C1orf21: variants seen among roughly 807,000 people sequenced by gnomAD.
The protein encoded by C1orf21 is chromosome 1 open reading frame 21.
In C1orf21, 3 loss-of-function variants were observed where a neutral mutation model predicts 18.7. That is an observed-to-expected ratio of 0.16 (90% CI 0.07 to 0.42). The LOEUF is 0.42. Ranked by LOEUF, C1orf21 falls within the 10% of genes least tolerant of loss-of-function variation. The pLI, the probability that C1orf21 is intolerant of heterozygous loss-of-function variation, is 0.99. For missense variants in C1orf21, 104 were observed against 143.6 expected (o/e 0.72, Z 1.41); for synonymous variants, 41 against 46.4 (o/e 0.88, Z 0.47).
chr1:184,576,366 C>T (rs1659190012), intron 3 of C1orf21, among the ~76,000 whole-genome samples: 1 of 152,234 alleles, frequency 6.6e-6, no homozygotes. Flanking sequence ...CTCAGGTGAT[C>T]TGCCCACCTG....
At chr1:184,596,543 C>T (rs563471353) in intron 4 of C1orf21, among the ~76,000 whole-genome samples, 6 of 152,258 alleles carry the variant, frequency 3.9e-5, no homozygotes, top group African/African-American at 1.4e-4. Context: ...GCAACATATA[C>T]ATACGGTTAT....
intron 1 of C1orf21, among the ~76,000 whole-genome samples, chr1:184,444,918 T>C (rs1657005902): frequency 1.3e-5 from 2 of 152,142 alleles, no homozygotes; most frequent in African/African-American, 4.8e-5. Context: ...TCCTCTCCTG[T>C]TGTATCCTCA....
chr1:184,404,565 G>A lies in C1orf21; in HGVS notation c.-125+17197G>A, dbSNP rs111467209. Among the ~76,000 whole-genome samples the A allele has an allele frequency of 7.5e-4, 114 of 152,254 alleles. 1 individual carries two copies. Among genetic ancestry groups the A allele is most frequent in the African/African-American group, 2.7e-3 (112 of 41,540 alleles). ...TCTGGCACCAATTCTACCCATGAGA[G>A]TAGAGCCTTAATGGTGTAATCACCT... On this transcript the variant is annotated intron_variant, in intron 1 of 5. Coordinates refer to ENST00000235307, the MANE Select transcript of C1orf21 (RefSeq NM_030806.4).
intron 3 of C1orf21, among the ~76,000 whole-genome samples, chr1:184,566,325 C>T (rs1052423795): frequency 3.3e-5 from 5 of 152,158 alleles, no homozygotes; most frequent in East Asian, 1.9e-4. Context: ...TTTGCTGCCT[C>T]GATTTTGCAG....
intron 1 of C1orf21, among the ~76,000 whole-genome samples, chr1:184,414,362 C>G (rs1486141762): frequency 6.6e-6 from 1 of 152,124 alleles, no homozygotes; most frequent in Non-Finnish European, 1.5e-5. Flanking sequence ...CTCCTGGGCT[C>G]AAGCATTTCT....
chr1:184,582,189 C>T (rs1037136427), intron 3 of C1orf21, among the ~76,000 whole-genome samples: 27 of 152,244 alleles, frequency 1.8e-4, no homozygotes, highest in Non-Finnish European at 4.0e-4. Context: ...ATGTTAATAC[C>T]GCTTGAGAAA....
intron 3 of C1orf21, among the ~76,000 whole-genome samples, chr1:184,582,574 G>A (rs1659289747): frequency 6.6e-6 from 1 of 152,174 alleles, no homozygotes; most frequent in Non-Finnish European, 1.5e-5. Flanking sequence ...AGATTTCTCT[G>A]TAAGACAGAC....
At chr1:184,467,031 A>G (rs574492468) in intron 1 of C1orf21, among the ~76,000 whole-genome samples, 2 of 152,192 alleles carry the variant, frequency 1.3e-5, no homozygotes, top group Non-Finnish European at 2.9e-5. Flanking sequence ...TAGGGAGTAT[A>G]TACTAAACAT....
intron 1 of C1orf21, among the ~76,000 whole-genome samples, chr1:184,428,459 A>G (rs892916012): frequency 2.0e-5 from 3 of 152,174 alleles, no homozygotes; most frequent in Non-Finnish European, 4.4e-5. Flanking sequence ...TTGCATTGTG[A>G]TTAGAGCAGC....
At chr1:184,610,900 G>A (rs1156809901) in intron 5 of C1orf21, among the ~76,000 whole-genome samples, 1 of 151,884 alleles carries the variant, frequency 6.6e-6, no homozygotes, top group Non-Finnish European at 1.5e-5. Context: ...TGGTGAAATG[G>A]GGATTCGGGT....
chr1:184,469,827 G>A (rs539394705), intron 1 of C1orf21, among the ~76,000 whole-genome samples: 8 of 152,254 alleles, frequency 5.3e-5, no homozygotes, highest in Admixed American at 4.6e-4. Flanking sequence ...CTGATCCTTT[G>A]TTTCCTTGCA....
chr1:184,534,589 T>C (rs2101974528), intron 3 of C1orf21, among the ~76,000 whole-genome samples: 2 of 152,364 alleles, frequency 1.3e-5, no homozygotes, highest in South Asian at 4.1e-4. Context: ...TGATTTAAGC[T>C]GTGTACTTTC....
At chr1:184,512,262 A>G (rs1211975957) in intron 3 of C1orf21, among the ~76,000 whole-genome samples, 3 of 152,196 alleles carry the variant, frequency 2.0e-5, no homozygotes, top group Non-Finnish European at 4.4e-5. Flanking sequence ...TTTTGGGATA[A>G]CTGTGCATGA....
chr1:184,623,201 A>G lies in C1orf21; in HGVS notation c.*3645A>G, dbSNP rs527296337. 1 of 152,356 alleles carries G rather than the reference A, an allele frequency of 6.6e-6. No homozygotes were observed. The highest frequency in any genetic ancestry group is 3.4e-3 in the Middle Eastern group (1 of 294). 9.4% of individuals were successfully genotyped at this position (152,356 alleles called of 1,614,324 possible). ...TCTCTACTAGTCATAGAAAAGAAAC[A>G]TTGTTAAACATGTTGAGTTTTAAAG... On this transcript the variant is annotated 3_prime_UTR_variant, in exon 6 of 6. Coordinates refer to ENST00000235307, the MANE Select transcript of C1orf21 (RefSeq NM_030806.4).
chr1:184,605,679 C>T (rs533040214), intron 5 of C1orf21, among the ~76,000 whole-genome samples: 5 of 152,188 alleles, frequency 3.3e-5, no homozygotes, highest in Non-Finnish European at 7.3e-5. Flanking sequence ...AGGATTGGCT[C>T]TGGCAGCAGC....
intron 2 of C1orf21, among the ~76,000 whole-genome samples, chr1:184,481,169 TAAAAA>T (rs923196743): frequency 6.6e-6 from 1 of 151,072 alleles, no homozygotes; most frequent in African/African-American, 2.4e-5. Flanking sequence ...AGAAATAACT[TAAAAA>T]AAAACTCTCT....
intron 1 of C1orf21, among the ~76,000 whole-genome samples, chr1:184,397,530 G>A (rs1270195690): frequency 3.3e-5 from 5 of 151,932 alleles, no homozygotes; most frequent in African/African-American, 4.8e-5. Flanking sequence ...AGCTTGCAGT[G>A]AGCCAAGATC....
chr1:184,394,325 C>T (rs1425910164), intron 1 of C1orf21, among the ~76,000 whole-genome samples: 1 of 152,050 alleles, frequency 6.6e-6, no homozygotes, highest in African/African-American at 2.4e-5. Context: ...ATTGTTAAAC[C>T]ACATGTTAGA....
At chr1:184,438,018 G>T (rs745416554) in intron 1 of C1orf21, among the ~76,000 whole-genome samples, 2 of 152,130 alleles carry the variant, frequency 1.3e-5, no homozygotes, top group Non-Finnish European at 2.9e-5. Flanking sequence ...GATCAATGGG[G>T]AGCTGCTGTA....
Sources: gnomAD v4.1 joint callset for allele counts (sites outside exome capture counted in the v4.1 genomes callset) on GRCh38, gnomAD v4.1.1 for gene constraint, MANE v1.5 for transcripts, NCBI Gene and HGNC (gene_info 2026-07-23, HGNC 2026-07-21) for gene names.